PHF8: variants seen among roughly 807,000 people sequenced by gnomAD.
PHF8 encodes histone lysine demethylase PHF8.
A neutral mutation model predicts 74.4 loss-of-function variants in PHF8; 9 were observed. That is an observed-to-expected ratio of 0.12 (90% CI 0.07 to 0.21). PHF8 has a LOEUF of 0.21. PHF8 is among the 10% of genes least tolerant of loss of function. The pLI is 1.00. For missense variants in PHF8, 478 were observed against 816.6 expected (o/e 0.59, Z 5.05); for synonymous variants, 311 against 316.6 (o/e 0.98, Z 0.19).
At position 53,940,185 on chromosome X, in the gene PHF8, C is replaced by G; in HGVS notation, c.2981G>C (p.Gly994Ala). The G allele has an allele frequency of 8.5e-7, 1 of 1,172,315 alleles. No individual in the cohort carries two copies. The highest frequency in any genetic ancestry group is 3.1e-5 in the East Asian group (1 of 31,831). The change falls in exon 21 of 22, where the codon GGA (glycine) becomes GCA (alanine). Residue 994 changes from glycine (G) to alanine (A), a missense_variant. Transcript: ENST00000338154. ...PSVGSQSNQA[G>A]QGKRPKKGLA... The stretch of plus-strand genomic sequence containing the variant: ...CAACCATATGGCCGTTGTACCTTGT[C>G]CTGCCTGATTGCTCTGGGAGCCAAC...
chrX:54,038,496 G>A (rs1324837317), intron 2 of PHF8, among the ~76,000 whole-genome samples: 4 of 111,882 alleles, frequency 3.6e-5, no homozygotes, highest in African/African-American at 1.3e-4. Context: ...CAGAAATACT[G>A]TAGCTAGGGC....
intron 14 of PHF8, among the ~76,000 whole-genome samples, chrX:53,991,680 A>C (rs943758221): frequency 2.9e-4 from 31 of 106,451 alleles, no homozygotes; most frequent in Admixed American, 2.9e-3. Flanking sequence ...AAAAAAAAAA[A>C]AAAAACAAAA....
intron 20 of PHF8, among the ~76,000 whole-genome samples, chrX:53,941,426 A>T (rs1383575930): frequency 8.9e-6 from 1 of 111,908 alleles, no homozygotes; most frequent in Non-Finnish European, 1.9e-5. Context: ...GGGAATGACA[A>T]ATAAGGAGTT....
intron 12 of PHF8, among the ~76,000 whole-genome samples, 160 bp downstream of exon 12, chrX:53,995,533 T>C (rs2065732950): frequency 8.9e-6 from 1 of 112,110 alleles, no homozygotes; most frequent in South Asian, 3.7e-4. Flanking sequence ...GCGGCACACT[T>C]GAAACACAGT....
At chrX:54,015,895 T>C (rs782194244) in intron 6 of PHF8, among the ~76,000 whole-genome samples, 1 of 111,317 alleles carries the variant, frequency 9.0e-6, no homozygotes, top group East Asian at 2.8e-4. Context: ...TCTCTTTTTC[T>C]TTTTAAATGT....
At chrX:53,964,868 C>CAAAAA (rs782274910) in intron 18 of PHF8, among the ~76,000 whole-genome samples, 54 of 37,027 alleles carry the variant, frequency 1.5e-3, no homozygotes, top group Non-Finnish European at 1.7e-3. Context: ...AACTCTGCCT[C>CAAAAA]AAAAAAAAAA....
At chrX:54,003,142 AATGGGCTT>A (rs1557104546) in intron 8 of PHF8, among the ~76,000 whole-genome samples, 1 of 112,453 alleles carries the variant, frequency 8.9e-6, no homozygotes, top group African/African-American at 3.2e-5. Context: ...GCTAACATGT[AATGGGCTT>A]ATAATTATTT....
chrX:54,008,515 C>T (rs1421359953), intron 8 of PHF8, among the ~76,000 whole-genome samples: 1 of 109,463 alleles, frequency 9.1e-6, no homozygotes, highest in Non-Finnish European at 1.9e-5. Context: ...ATGGTGAAAC[C>T]CCATCTCTAC....
At chrX:53,958,243 T>C (rs1445894290) in intron 19 of PHF8, among the ~76,000 whole-genome samples, 2 of 107,899 alleles carry the variant, frequency 1.9e-5, no homozygotes, top group East Asian at 3.0e-4. Context: ...GGTTTCATCA[T>C]GTTGGCCAGG....
At chrX:54,017,868 A>G (rs200765193) in intron 4 of PHF8, 47 bp from the exon 5 acceptor site, 1 of 1,150,716 alleles carries the variant, frequency 8.7e-7, no homozygotes, top group East Asian at 3.0e-5. Context: ...CCTGCCCACT[A>G]AAGGCCTTAT....
chrX:54,015,878 A>G (rs2066059738), intron 6 of PHF8, among the ~76,000 whole-genome samples: 1 of 110,914 alleles, frequency 9.0e-6, no homozygotes, highest in Non-Finnish European at 1.9e-5. Flanking sequence ...TTAAAGGTAA[A>G]TAGGTTTCTC....
At chrX:53,952,624 C>T (rs2064943042) in intron 19 of PHF8, among the ~76,000 whole-genome samples, 1 of 111,391 alleles carries the variant, frequency 9.0e-6, no homozygotes, top group Non-Finnish European at 1.9e-5. Flanking sequence ...TGGCTCACGC[C>T]TGTAATCCCA....
At chrX:54,041,066 T>C (rs1270071299) in intron 2 of PHF8, among the ~76,000 whole-genome samples, 6 of 111,106 alleles carry the variant, frequency 5.4e-5, no homozygotes, top group South Asian at 3.8e-4. Flanking sequence ...GCACCTATAG[T>C]TTGGTCTTGA....
chrX:53,984,810 CCAG>C lies in PHF8; in HGVS notation c.2443+101_2443+103del, dbSNP rs782595685. ...GAGAAACTAAGTATCAGGCTTAAGA[CCAG>C]GACTTTGTTCACTACAAGCTGTCCT... On this transcript the variant is annotated intron_variant, in intron 18 of 21. Transcript: ENST00000338154. 8 of 661,434 alleles carry C rather than the reference CCAG, an allele frequency of 1.2e-5. No homozygotes were observed. The African/African-American group carries it at 1.7e-4, about 14-fold the overall frequency. The allele number at this position is 661,434 out of a possible 1,213,427, so 54.5% of individuals were successfully genotyped here. A position where few individuals can be genotyped will look rare whatever the true frequency, so the allele number is the denominator to read the frequency against.
chrX:53,964,926 G>C (rs1603305504), intron 18 of PHF8, among the ~76,000 whole-genome samples: 1 of 108,162 alleles, frequency 9.2e-6, no homozygotes, highest in Admixed American at 9.9e-5. Flanking sequence ...CCAATGGCTA[G>C]AGGGAGGAAT....
chrX:54,031,592 AAAAAAACCCAAAC>A (rs2066358105), intron 2 of PHF8, among the ~76,000 whole-genome samples: 1 of 109,812 alleles, frequency 9.1e-6, no homozygotes, highest in Admixed American at 9.8e-5. Flanking sequence ...TCCAAAAAAA[AAAAAAACCCAAAC>A]AAAAAACCCT....
intron 11 of PHF8, among the ~76,000 whole-genome samples, chrX:53,997,978 G>A (rs1248653612): frequency 8.9e-6 from 1 of 112,036 alleles, no homozygotes; most frequent in African/African-American, 3.2e-5. Context: ...GTGACCTTTG[G>A]TCACAGTATA....
intron 8 of PHF8, among the ~76,000 whole-genome samples, chrX:54,009,473 G>C (rs1293889834): frequency 1.8e-5 from 2 of 109,491 alleles, no homozygotes; most frequent in Non-Finnish European, 3.8e-5. Context: ...CCCAAAGCAA[G>C]CAGAGGGAAG....
At chrX:54,010,322 T>A (rs2065965040) in intron 8 of PHF8, among the ~76,000 whole-genome samples, 1 of 110,957 alleles carries the variant, frequency 9.0e-6, no homozygotes, top group African/African-American at 3.3e-5. Flanking sequence ...TGAAACTCCA[T>A]CTCAAAAAAA....
Sources: allele counts gnomAD v4.1 joint callset (sites outside exome capture counted in the v4.1 genomes callset), GRCh38; gene constraint gnomAD v4.1.1; transcripts MANE v1.5; gene names NCBI Gene and HGNC (gene_info 2026-07-23, HGNC 2026-07-21).